The following SPATA13 variants were observed in gnomAD, a reference collection of about 807,000 sequenced individuals.
SPATA13 encodes spermatogenesis associated 13, also known as spermatogenesis-associated protein 13.
Under a neutral mutation model 104.0 loss-of-function variants are expected in SPATA13, and 50 were observed. That is an observed-to-expected ratio of 0.48 (90% CI 0.38 to 0.61). The LOEUF is 0.61. SPATA13 is among the 20% of genes least tolerant of loss of function. The probability of loss-of-function intolerance (pLI) is 0.00; values close to 1 mark genes in which losing one functional copy is unlikely to be tolerated. For synonymous variants in SPATA13, 606 were observed against 667.5 expected, an observed-to-expected ratio of 0.91 and a Z score of 1.42; for missense variants, 1,524 against 1,690.6, an observed-to-expected ratio of 0.90 and a Z score of 1.73.
At chr13:24,175,277 C>CT (rs1184151840) in intron 1 of SPATA13, among the ~76,000 whole-genome samples, 2 of 151,456 alleles carry the variant, frequency 1.3e-5, no homozygotes, top group African/African-American at 4.9e-5. Context: ...TGTTTTGTTT[C>CT]TTTGGCAGAA....
At chr13:24,271,023 T>TCTCTCTCA in intron 4 of SPATA13, 1 of 373,718 alleles carries the variant, frequency 2.7e-6, no homozygotes, top group African/African-American at 2.3e-5. Context: ...TCTCTCTCAC[T>TCTCTCTCA]CTCTCTCTCT....
At position 24,290,884 on chromosome 13, in the gene SPATA13, G is replaced by A; in HGVS notation, c.3080G>A (p.Gly1027Asp). The change falls in exon 9 of 13, where the codon GGT becomes GAT. Residue 1027 changes from glycine to aspartate, a missense_variant and splice_region_variant. Physicochemically the swap from Gly to Asp is moderately conservative, Grantham distance 94. Coordinates refer to ENST00000382108, the MANE Select transcript of SPATA13 (RefSeq NM_001166271.3). Reference sequence around the variant, plus strand: ...CTCAAGTATACCACACAGGAACACGGGTGAGGGGCATGGGTAAGGGGCACA... The same window carrying A: ...CTCAAGTATACCACACAGGAACACGAGTGAGGGGCATGGGTAAGGGGCACA... ...ELLKYTTQEH[G>D]DYSNIKAAYE... The A allele has an allele frequency of 6.2e-7, 1 of 1,613,228 alleles. No individual in the cohort carries two copies. The highest frequency in any genetic ancestry group is 8.5e-7 in the Non-Finnish European group (1 of 1,179,404).
intron 3 of SPATA13, among the ~76,000 whole-genome samples, chr13:24,037,779 T>C (rs965834534): frequency 2.0e-5 from 3 of 151,996 alleles, no homozygotes; most frequent in Admixed American, 1.3e-4. Context: ...AATCTGGGGT[T>C]CGTGGATTAG....
At chr13:24,299,812 G>T (rs1877058433) in intron 11 of SPATA13, among the ~76,000 whole-genome samples, 1 of 152,174 alleles carries the variant, frequency 6.6e-6, no homozygotes. Flanking sequence ...GAAGCCAAGG[G>T]TTGCCTCATC....
At chr13:24,155,592 G>T (rs1463438857) in intron 3 of SPATA13, among the ~76,000 whole-genome samples, 1 of 152,092 alleles carries the variant, frequency 6.6e-6, no homozygotes, top group East Asian at 1.9e-4. Context: ...GTCAGTGAGT[G>T]GCAGAGACAG....
intron 3 of SPATA13, among the ~76,000 whole-genome samples, chr13:24,077,109 G>A (rs1278901546): frequency 1.3e-5 from 2 of 151,926 alleles, no homozygotes; most frequent in East Asian, 3.9e-4. Flanking sequence ...TCTGGGAAGG[G>A]CACCACACAT....
intron 3 of SPATA13, among the ~76,000 whole-genome samples, chr13:24,065,136 T>A (rs983339451): frequency 6.6e-6 from 1 of 152,188 alleles, no homozygotes; most frequent in African/African-American, 2.4e-5. Flanking sequence ...TCTAAGATGT[T>A]TACCTGTCAG....
chr13:24,280,172 G>T (rs9318450), intron 4 of SPATA13, among the ~76,000 whole-genome samples: 25,588 of 152,068 alleles, frequency 0.17, 2,240 homozygotes, highest in Middle Eastern at 0.26. Flanking sequence ...CCACGACCCC[G>T]GGTAGAGCTG....
chr13:24,095,175 A>G (rs914860777), intron 3 of SPATA13, among the ~76,000 whole-genome samples: 1 of 152,258 alleles, frequency 6.6e-6, no homozygotes, highest in African/African-American at 2.4e-5. Context: ...CAGTGGATAA[A>G]TGGATAAACA....
intron 2 of SPATA13, among the ~76,000 whole-genome samples, chr13:23,992,795 G>A (rs184194944): frequency 7.2e-5 from 11 of 152,290 alleles, no homozygotes; most frequent in East Asian, 5.8e-4. Flanking sequence ...ACATGGCCAC[G>A]TTTGGCTCCA....
intron 2 of SPATA13, among the ~76,000 whole-genome samples, chr13:24,007,496 G>T (rs1043708253): frequency 6.6e-6 from 1 of 152,232 alleles, no homozygotes; most frequent in Non-Finnish European, 1.5e-5. Flanking sequence ...CCCTCTGTCA[G>T]CCCAGGCTGA....
At chr13:24,174,001 T>G (rs1487224690) in intron 1 of SPATA13, among the ~76,000 whole-genome samples, 1 of 152,240 alleles carries the variant, frequency 6.6e-6, no homozygotes, top group Non-Finnish European at 1.5e-5. Context: ...GAAATGTTCC[T>G]CTTTCATTTC....
At chr13:24,142,793 C>T (rs919932201) in intron 3 of SPATA13, among the ~76,000 whole-genome samples, 1 of 152,054 alleles carries the variant, frequency 6.6e-6, no homozygotes, top group Admixed American at 6.6e-5. Flanking sequence ...GTAGGTCACT[C>T]AAAAAGCTTA....
chr13:24,211,797 A>G (rs1024195999), intron 1 of SPATA13, among the ~76,000 whole-genome samples: 2 of 151,932 alleles, frequency 1.3e-5, no homozygotes, highest in East Asian at 1.9e-4. Flanking sequence ...GTAAACCCCA[A>G]TCAAAGGCCT....
At chr13:24,036,142 T>G (rs549621687) in intron 3 of SPATA13, among the ~76,000 whole-genome samples, 1 of 152,258 alleles carries the variant, frequency 6.6e-6, no homozygotes, top group African/African-American at 2.4e-5. Flanking sequence ...CAAAAATACA[T>G]ATTCACTTTA....
chr13:24,240,462 G>A (rs530499733), intron 2 of SPATA13, among the ~76,000 whole-genome samples: 1 of 152,164 alleles, frequency 6.6e-6, no homozygotes, highest in Admixed American at 6.5e-5. Context: ...TTGGGGTCAC[G>A]GTGGTGACAC....
chr13:24,017,381 C>T (rs1214676261), intron 2 of SPATA13, among the ~76,000 whole-genome samples: 1 of 152,130 alleles, frequency 6.6e-6, no homozygotes, highest in Non-Finnish European at 1.5e-5. Context: ...AAACCCAGGG[C>T]TTAGAGCTTG....
At chr13:24,141,074 C>T (rs1881746191) in intron 3 of SPATA13, among the ~76,000 whole-genome samples, 1 of 151,642 alleles carries the variant, frequency 6.6e-6, no homozygotes, top group East Asian at 1.9e-4. Flanking sequence ...ACTCAGGAGG[C>T]TGAGGCAGGA....
At chr13:24,191,667 A>G (rs1309906615) in intron 1 of SPATA13, among the ~76,000 whole-genome samples, 3 of 150,728 alleles carry the variant, frequency 2.0e-5, no homozygotes, top group Non-Finnish European at 3.0e-5. Flanking sequence ...CCGCCACCAC[A>G]CCCTGCTAAT....
Sources: allele counts gnomAD v4.1 joint callset (sites outside exome capture counted in the v4.1 genomes callset), GRCh38; gene constraint gnomAD v4.1.1; transcripts MANE v1.5; gene names NCBI Gene and HGNC (gene_info 2026-07-23, HGNC 2026-07-21).